RSRC1: variants seen among roughly 807,000 people sequenced by gnomAD.
RSRC1 encodes the protein serine/Arginine-related protein 53.
Under a neutral mutation model 49.1 loss-of-function variants are expected in RSRC1, and 39 were observed. The observed-to-expected ratio is 0.79, with a 90% confidence interval of 0.61 to 1.04. RSRC1 has a LOEUF of 1.04. Ranked by LOEUF, RSRC1 falls within the 50% of genes least tolerant of loss-of-function variation. The pLI is 0.00. For missense variants in RSRC1, 388 were observed against 402.4 expected, an observed-to-expected ratio of 0.96 and a Z score of 0.31; for synonymous variants, 143 against 130.8, an observed-to-expected ratio of 1.09 and a Z score of -0.63.
chr3:158,215,094 T>G (rs75752616), intron 4 of RSRC1, among the ~76,000 whole-genome samples: 1,667 of 151,974 alleles, frequency 0.011, 37 homozygotes, highest in African/African-American at 0.038. Context: ...TGTTTAAGAT[T>G]GTTGTCTTCT....
intron 4 of RSRC1, among the ~76,000 whole-genome samples, chr3:158,284,922 C>G (rs1196029051): frequency 6.6e-6 from 1 of 151,968 alleles, no homozygotes; most frequent in Admixed American, 6.6e-5. Flanking sequence ...TCAATTTTGG[C>G]TTTTGTTGCC....
At chr3:158,278,790 T>C (rs999437771) in intron 4 of RSRC1, among the ~76,000 whole-genome samples, 3 of 152,218 alleles carry the variant, frequency 2.0e-5, no homozygotes, top group African/African-American at 7.2e-5. Context: ...AATACAACAC[T>C]CAGAAACTCA....
At chr3:158,348,089 C>T (rs1391193763) in intron 5 of RSRC1, among the ~76,000 whole-genome samples, 1 of 152,088 alleles carries the variant, frequency 6.6e-6, no homozygotes, top group Non-Finnish European at 1.5e-5. Flanking sequence ...CATTGCACAT[C>T]TAATTTTGTT....
chr3:158,164,064 A>G (rs926736102), intron 3 of RSRC1, among the ~76,000 whole-genome samples: 20 of 152,162 alleles, frequency 1.3e-4, no homozygotes, highest in African/African-American at 4.8e-4. Context: ...TTAAAAGTCT[A>G]GTCTAGAAAA....
chr3:158,514,573 C>T (rs967703002), intron 7 of RSRC1, among the ~76,000 whole-genome samples: 1 of 151,908 alleles, frequency 6.6e-6, no homozygotes, highest in African/African-American at 2.4e-5. Flanking sequence ...TGGTGTGGTG[C>T]TGAAAAAAAT....
intron 4 of RSRC1, among the ~76,000 whole-genome samples, chr3:158,261,631 G>T (rs913583446): frequency 6.6e-6 from 1 of 152,180 alleles, no homozygotes; most frequent in Non-Finnish European, 1.5e-5. Context: ...ACTCACCATC[G>T]CTTGCATTAC....
chr3:158,453,822 T>G (rs1349207003), intron 6 of RSRC1, among the ~76,000 whole-genome samples: 1 of 152,186 alleles, frequency 6.6e-6, no homozygotes, highest in Non-Finnish European at 1.5e-5. Flanking sequence ...TATTTACTTT[T>G]TAAAATTTCT....
chr3:158,327,500 A>T (rs1200773333), intron 5 of RSRC1, among the ~76,000 whole-genome samples: 1 of 152,236 alleles, frequency 6.6e-6, no homozygotes, highest in African/African-American at 2.4e-5. Context: ...TCGAGTAGTC[A>T]TTCAGGAGCA....
intron 7 of RSRC1, among the ~76,000 whole-genome samples, chr3:158,485,630 A>G (rs1738786103): frequency 6.6e-6 from 1 of 152,078 alleles, no homozygotes; most frequent in Admixed American, 6.6e-5. Context: ...ATTTTTTCCT[A>G]CATATGACAC....
intron 5 of RSRC1, among the ~76,000 whole-genome samples, chr3:158,318,675 A>G (rs1032868613): frequency 2.0e-5 from 3 of 152,174 alleles, no homozygotes; most frequent in Non-Finnish European, 4.4e-5. Context: ...ATGCTGCTGT[A>G]TGTGTAAAGT....
chr3:158,255,516 T>G (rs1724491775), intron 4 of RSRC1, among the ~76,000 whole-genome samples: 1 of 152,200 alleles, frequency 6.6e-6, no homozygotes, highest in Non-Finnish European at 1.5e-5. Context: ...CCAGCTTTGT[T>G]CTTTTGGCTT....
intron 4 of RSRC1, among the ~76,000 whole-genome samples, chr3:158,254,337 A>G (rs1362240299): frequency 1.3e-5 from 2 of 152,154 alleles, no homozygotes; most frequent in Non-Finnish European, 2.9e-5. Flanking sequence ...TGAGGAAATG[A>G]CACACTGTCT....
chr3:158,178,921 T>A (rs1418116711), intron 3 of RSRC1, among the ~76,000 whole-genome samples: 2 of 152,206 alleles, frequency 1.3e-5, no homozygotes, highest in Non-Finnish European at 2.9e-5. Flanking sequence ...TGGGATTTTG[T>A]CATTTGTTAT....
At chr3:158,128,144 A>G (rs1162957348) in intron 3 of RSRC1, among the ~76,000 whole-genome samples, 15 of 152,230 alleles carry the variant, frequency 9.9e-5, no homozygotes, top group Admixed American at 8.5e-4. Context: ...TGCTGTTTCC[A>G]TTAGTGCTCC....
intron 3 of RSRC1, among the ~76,000 whole-genome samples, chr3:158,202,574 A>ATATATATATATATATATATATATATG (rs1721117218): frequency 7.2e-6 from 1 of 139,814 alleles, no homozygotes. Context: ...ATATATATAT[A>ATATATATATATATATATATATATATG]TATATATGTT....
intron 4 of RSRC1, among the ~76,000 whole-genome samples, chr3:158,214,009 G>T (rs1211417779): frequency 6.6e-6 from 1 of 151,024 alleles, no homozygotes; most frequent in Non-Finnish European, 1.5e-5. Context: ...AGAAATGTTT[G>T]TGGGAAAAAA....
At chr3:158,433,164 C>T (rs909751804) in intron 6 of RSRC1, among the ~76,000 whole-genome samples, 7 of 151,822 alleles carry the variant, frequency 4.6e-5, no homozygotes, top group Non-Finnish European at 1.0e-4. Flanking sequence ...TGCTTGCTTA[C>T]TATTAAATAG....
intron 4 of RSRC1, among the ~76,000 whole-genome samples, chr3:158,280,637 CTTTTTTTTTTTTT>C (rs146925471): frequency 1.6e-5 from 1 of 63,984 alleles, no homozygotes; most frequent in African/African-American, 6.4e-5. Context: ...GAAGTGATTC[CTTTTTTTTTTTTT>C]TTTTTTTTTT....
intron 6 of RSRC1, among the ~76,000 whole-genome samples, chr3:158,440,230 G>A (rs1198212117): frequency 1.3e-5 from 2 of 151,540 alleles, no homozygotes; most frequent in African/African-American, 2.4e-5. Context: ...GAGATGAAGT[G>A]GCAGACTGGG....
Sources: gnomAD v4.1 joint callset for allele counts (sites outside exome capture counted in the v4.1 genomes callset) on GRCh38, gnomAD v4.1.1 for gene constraint, MANE v1.5 for transcripts, NCBI Gene and HGNC (gene_info 2026-07-23, HGNC 2026-07-21) for gene names.